CNNM1: variants seen among roughly 807,000 people sequenced by gnomAD.
The protein encoded by CNNM1 is metal transporter CNNM1.
CNNM1 carries 44 observed loss-of-function variants against 78.8 expected under a neutral mutation model. The ratio of observed to expected loss-of-function variants is 0.56; its 90% confidence interval spans 0.44 to 0.72. CNNM1 has a LOEUF of 0.72. CNNM1 is among the 30% of genes least tolerant of loss of function. The pLI, the probability that CNNM1 is intolerant of heterozygous loss-of-function variation, is 0.00. For synonymous variants in CNNM1, 584 were observed against 581.5 expected (o/e 1.00, Z -0.06); for missense variants, 1,101 against 1,292.2 (o/e 0.85, Z 2.27).
rs980764473 is a variant in CNNM1 at position 99,365,191 on chromosome 10, G to A, written c.2176+189G>A. The A allele has an allele frequency of 8.8e-6, 6 of 683,486 alleles. No homozygotes were observed. In the Admixed American group the frequency reaches 1.3e-4, roughly 15 times the overall value. The allele number at this position is 683,486 out of a possible 1,614,324, so 42.3% of individuals were successfully genotyped here. A position where few individuals can be genotyped will look rare whatever the true frequency, so the allele number is the denominator to read the frequency against. On this transcript the variant is annotated intron_variant, in intron 6 of 10. Transcript: ENST00000356713. ...CACAGACCATGGGAGCTTAGGTTCT[G>A]TGTGTCTGGAATGTTTTCTGCTGCT...
At chr10:99,362,794 T>C (rs1399636401) in intron 4 of CNNM1, among the ~76,000 whole-genome samples, 1 of 152,138 alleles carries the variant, frequency 6.6e-6, no homozygotes, top group African/African-American at 2.4e-5. Flanking sequence ...AACCCTTCTC[T>C]CTGTCAAGTG....
intron 7 of CNNM1, among the ~76,000 whole-genome samples, chr10:99,380,790 C>A (rs76298714): frequency 2.1e-5 from 3 of 142,638 alleles, no homozygotes; most frequent in East Asian, 2.1e-4. Context: ...GACTCGGCCT[C>A]AAAAAAAAAA....
intron 1 of CNNM1, among the ~76,000 whole-genome samples, chr10:99,353,855 T>C (rs1289615834): frequency 6.6e-6 from 1 of 152,240 alleles, no homozygotes; most frequent in African/African-American, 2.4e-5. Context: ...ATTATATAAT[T>C]AGGGCTTAAA....
chr10:99,386,889 C>A (rs925038374), intron 7 of CNNM1, among the ~76,000 whole-genome samples: 1 of 152,160 alleles, frequency 6.6e-6, no homozygotes, highest in Non-Finnish European at 1.5e-5. Flanking sequence ...CGTTCACTAG[C>A]GCTAATGCAG....
intron 1 of CNNM1, among the ~76,000 whole-genome samples, chr10:99,357,142 A>C (rs1219441491): frequency 1.3e-5 from 2 of 152,190 alleles, no homozygotes; most frequent in Non-Finnish European, 2.9e-5. Flanking sequence ...TTAGTGGGGA[A>C]GGGGGCTTAG....
intron 1 of CNNM1, among the ~76,000 whole-genome samples, chr10:99,350,996 C>G (rs922670728): frequency 2.0e-5 from 3 of 152,196 alleles, no homozygotes; most frequent in African/African-American, 7.2e-5. Context: ...CCAAATGTCC[C>G]CTGGGGGGCA....
At position 99,357,846 on chromosome 10, in the gene CNNM1, T is replaced by G. The variant is rs2031276827; in HGVS notation, c.1717+191T>G. ...AATCACTTCTGAGTCACTGGGAACA[T>G]GCTAGCTAAGTGTTTATCAGGAGGG... On this transcript the variant is annotated intron_variant, in intron 2 of 10. Transcript: ENST00000356713. 1.3e-5 allele frequency among the ~76,000 whole-genome samples: 2 copies of G among 152,140 alleles called. 1 individual carries two copies. The highest frequency in any genetic ancestry group is 1.3e-4 in the Admixed American group (2 of 15,276).
Position 99,362,234 on chromosome 10 carries a change from G to A in CNNM1, c.1866G>A (p.Glu622=), listed in dbSNP as rs765588515. 15 of 1,610,004 alleles carry A rather than the reference G, an allele frequency of 9.3e-6. No homozygotes were observed. In the African/African-American group the frequency reaches 1.2e-4, roughly 13 times the overall value. ...ATHRFMATEV[E]PFKSLYLSEK... The stretch of plus-strand genomic sequence containing the variant: ...CCACTCACTCTCCTCTAGAAGTGGA[G>A]CCCTTTAAGTCTCTGTACCTTTCGG... The change falls in exon 4 of 11, where the codon GAG becomes GAA. Residue 622 remains glutamate, a synonymous_variant. Coordinates refer to ENST00000356713, the MANE Select transcript of CNNM1 (RefSeq NM_020348.3).
chr10:99,365,249 T>A (rs563639855), intron 6 of CNNM1: 6 of 602,716 alleles, frequency 1.0e-5, no homozygotes, highest in Non-Finnish European at 1.8e-5. Flanking sequence ...GATGCAGGGG[T>A]TGTGAGGGAA....
chr10:99,330,439 G>A lies in CNNM1; in HGVS notation c.1052G>A (p.Gly351Glu). The A allele has an allele frequency of 6.3e-7, 1 of 1,591,660 alleles. No individual in the cohort carries two copies. Among genetic ancestry groups the A allele is most frequent in the Non-Finnish European group, 8.5e-7 (1 of 1,170,008 alleles). The change falls in exon 1 of 11, where the codon GGG becomes GAG. Residue 351 changes from glycine to glutamate, a missense_variant. By Grantham distance (98) the Gly-to-Glu change is moderately conservative (BLOSUM62 -2). Transcript: ENST00000356713. Reference protein sequence around the residue: ...ICPYSVCSRHGLAIASHSVCL... With the variant: ...ICPYSVCSRHELAIASHSVCL... ...CCCTACTCAGTGTGTTCGCGGCACG[G>A]GCTGGCCATCGCCTCGCACAGCGTG... is the stretch of plus-strand genomic sequence containing the variant.
In CNNM1 at chr10:99,362,076, G is replaced by A. The variant is rs548579520; in HGVS notation, c.1859-151G>A. ...ACTTGGGATTAGGATCCTCCACTCC[G>A]GAGGAACTGCAGAAGCCCTGCCAAC... On this transcript the variant is annotated intron_variant, in intron 3 of 10. Transcript: ENST00000356713. 5.2e-5 allele frequency: 33 copies of A among 633,138 alleles called. 1 individual carries two copies. The highest frequency in any genetic ancestry group is 4.5e-4 in the Middle Eastern group (1 of 2,214). The allele number at this position is 633,138 out of a possible 1,614,324, so 39.2% of individuals were successfully genotyped here.
chr10:99,344,318 C>T (rs1252044651), intron 1 of CNNM1, among the ~76,000 whole-genome samples: 2 of 124,852 alleles, frequency 1.6e-5, no homozygotes, highest in Admixed American at 1.1e-4. Context: ...GGCAACAGAG[C>T]GAGACTCCGT....
At chr10:99,365,189 C>A in intron 6 of CNNM1, 187 bp downstream of exon 6, 1 of 684,420 alleles carries the variant, frequency 1.5e-6, no homozygotes, top group Non-Finnish European at 2.7e-6. Context: ...AGCTTAGGTT[C>A]TGTGTGTCTG....
At position 99,391,558 on chromosome 10, in the gene CNNM1, G is replaced by A; in HGVS notation, c.*42G>A. ...TTCACTGGGTGTGTGAAATTCCAGA[G>A]CTTTGGGGGAGAATCCACCCTCCCA... On this transcript the variant is annotated 3_prime_UTR_variant, in exon 11 of 11. Transcript: ENST00000356713. 6.4e-7 allele frequency: 1 copy of A among 1,555,718 alleles called. No homozygotes were observed. The highest frequency in any genetic ancestry group is 1.1e-5 in the South Asian group (1 of 88,350).
rs1333666289 is a variant in CNNM1, at chr10:99,392,260, C to G, written c.*744C>G. 2 of 152,312 alleles carry G rather than the reference C, an allele frequency of 1.3e-5. No homozygotes were observed. The highest frequency in any genetic ancestry group is 1.3e-4 in the Admixed American group (2 of 15,274). 9.4% of individuals were successfully genotyped at this position (152,312 alleles called of 1,614,324 possible). On this transcript the variant is annotated 3_prime_UTR_variant, in exon 11 of 11. Transcript: ENST00000356713. ...TCCCAATCAGCAGTCTTCAATCGATCAATAATTCTGCTCTGGAAGAGAAGG... is the reference window on the plus strand; with the variant it reads ...TCCCAATCAGCAGTCTTCAATCGATGAATAATTCTGCTCTGGAAGAGAAGG...
intron 3 of CNNM1, among the ~76,000 whole-genome samples, chr10:99,361,188 T>C (rs190014314): frequency 2.6e-5 from 4 of 152,238 alleles, no homozygotes; most frequent in Non-Finnish European, 1.5e-5. Context: ...AAGAAATGAG[T>C]ATAACTCAAC....
In CNNM1 at chr10:99,363,808, G is replaced by A. The variant is rs186661213; in HGVS notation, c.2029-609G>A. Among the ~76,000 whole-genome samples, 894 of 139,886 alleles carry A rather than the reference G, an allele frequency of 6.4e-3. 9 individuals carry two copies. The highest frequency in any genetic ancestry group is 0.023 in the African/African-American group (843 of 36,912). 91.8% of individuals were successfully genotyped at this position (139,886 alleles called of 152,430 possible). On this transcript the variant is annotated intron_variant, in intron 4 of 10. Transcript: ENST00000356713. Reference sequence around the variant, plus strand: ...CACCCAGGCTGGAGTGCAGTGGCCCGATCTCAGCTCACTGCAACCTCTGCC... The same window carrying A: ...CACCCAGGCTGGAGTGCAGTGGCCCAATCTCAGCTCACTGCAACCTCTGCC...
At chr10:99,367,787 A>G (rs2031670443) in intron 6 of CNNM1, among the ~76,000 whole-genome samples, 1 of 152,190 alleles carries the variant, frequency 6.6e-6, no homozygotes. Context: ...CTCCTTAAAA[A>G]GGACTCTGGG....
intron 3 of CNNM1, 102 bp downstream of exon 3, chr10:99,361,077 G>C: frequency 7.8e-7 from 1 of 1,279,228 alleles, no homozygotes; most frequent in Non-Finnish European, 1.1e-6. Flanking sequence ...CCAGTGTGCT[G>C]TCAGGACTGA....
Sources: gnomAD v4.1 joint callset for allele counts (sites outside exome capture counted in the v4.1 genomes callset) on GRCh38, gnomAD v4.1.1 for gene constraint, MANE v1.5 for transcripts, NCBI Gene and HGNC (gene_info 2026-07-23, HGNC 2026-07-21) for gene names.